FBN2: variants seen among roughly 807,000 people sequenced by gnomAD.
FBN2 encodes the protein fibrillin 2, also known as fibrillin-2.
A neutral mutation model predicts 355.6 loss-of-function variants in FBN2; 105 were observed. The ratio of observed to expected loss-of-function variants is 0.30; its 90% CI spans 0.25 to 0.35. FBN2 has a LOEUF of 0.35. FBN2 is among the 10% of genes least tolerant of loss of function. FBN2 has a pLI of 1.00. For missense variants in FBN2, 3,280 were observed against 3,758.7 expected, an observed-to-expected ratio of 0.87 and a Z score of 3.33; for synonymous variants, 1,350 against 1,301.2, an observed-to-expected ratio of 1.04 and a Z score of -0.81.
At chr5:128,422,576 G>C (rs1753377422) in intron 7 of FBN2, among the ~76,000 whole-genome samples, 1 of 152,130 alleles carries the variant, frequency 6.6e-6, no homozygotes, top group Admixed American at 6.6e-5. Context: ...AATGGCAAGA[G>C]TTAAAAGGAG....
intron 62 of FBN2, among the ~76,000 whole-genome samples, chr5:128,268,798 A>T (rs1245002486): frequency 2.0e-5 from 3 of 152,238 alleles, no homozygotes; most frequent in Non-Finnish European, 4.4e-5. Context: ...CAATAGATGC[A>T]GAAAAAGCCT....
At chr5:128,492,690 C>T (rs55839668) in intron 5 of FBN2, among the ~76,000 whole-genome samples, 15,879 of 151,056 alleles carry the variant, frequency 0.11, 986 homozygotes, top group African/African-American at 0.18. Flanking sequence ...GTAATCCCAG[C>T]TACTCGGGAG....
chr5:128,330,542 C>T (rs535311763), intron 33 of FBN2, 31 bp downstream of exon 33: 274 of 1,612,528 alleles, frequency 1.7e-4, no homozygotes, highest in Middle Eastern at 6.6e-4. Flanking sequence ...ATGACCATCC[C>T]GTCAGAGCAC....
intron 24 of FBN2, among the ~76,000 whole-genome samples, chr5:128,344,724 G>C (rs1751123609): frequency 6.8e-6 from 1 of 147,728 alleles, no homozygotes; most frequent in African/African-American, 2.5e-5. Context: ...TTTTGAGACA[G>C]AGTTTCACTG....
chr5:128,291,700 T>A, intron 48 of FBN2, 46 bp from the exon 49 acceptor site: 1 of 1,578,204 alleles, frequency 6.3e-7, no homozygotes. Context: ...CACTTGAAAA[T>A]AAACAATTGT....
intron 20 of FBN2, among the ~76,000 whole-genome samples, chr5:128,353,993 C>T (rs1751437389): frequency 6.6e-6 from 1 of 152,186 alleles, no homozygotes; most frequent in Admixed American, 6.5e-5. Context: ...ATCCTCCCTC[C>T]CTGTCTCCCC....
At chr5:128,487,184 G>A (rs1468013179) in intron 5 of FBN2, among the ~76,000 whole-genome samples, 3 of 152,164 alleles carry the variant, frequency 2.0e-5, no homozygotes, top group Non-Finnish European at 2.9e-5. Context: ...GTCACCATCC[G>A]GCTCTTTGCT....
chr5:128,258,219 A>G lies in FBN2; in HGVS notation c.*1236T>C, dbSNP rs1304740771. The G allele has an allele frequency of 6.6e-6, 1 of 152,612 alleles. No individual in the cohort carries two copies. The highest frequency in any genetic ancestry group is 1.9e-4 in the East Asian group (1 of 5,186). 9.5% of individuals were successfully genotyped at this position (152,612 alleles called of 1,614,324 possible). On this transcript the variant is annotated 3_prime_UTR_variant, in exon 65 of 65. Transcript: ENST00000262464. The stretch of plus-strand genomic sequence containing the variant: ...GTTCTTGGGTTGAGAAGAATAATGG[A>G]TACGTGCTCTTAATAGCACATCCTG...
At chr5:128,462,306 T>G (rs547428280) in intron 6 of FBN2, among the ~76,000 whole-genome samples, 1 of 152,322 alleles carries the variant, frequency 6.6e-6, no homozygotes, top group South Asian at 2.1e-4. Flanking sequence ...TGTATTATTT[T>G]TTCATGCCCC....
intron 5 of FBN2, among the ~76,000 whole-genome samples, chr5:128,478,529 C>T (rs1755065184): frequency 6.6e-6 from 1 of 152,172 alleles, no homozygotes; most frequent in South Asian, 2.1e-4. Flanking sequence ...CAAGTCAAAA[C>T]GAGTTGACAT....
intron 7 of FBN2, among the ~76,000 whole-genome samples, chr5:128,425,512 T>A (rs1192488242): frequency 7.2e-5 from 11 of 152,188 alleles, no homozygotes; most frequent in Non-Finnish European, 1.6e-4. Flanking sequence ...TATTTTCCCA[T>A]TAAGCATCAG....
intron 7 of FBN2, among the ~76,000 whole-genome samples, chr5:128,434,187 T>C (rs1753707696): frequency 6.6e-6 from 1 of 151,640 alleles, no homozygotes; most frequent in South Asian, 2.1e-4. Flanking sequence ...TGAGAAACAC[T>C]ATATTAAAAT....
chr5:128,313,554 C>A (rs1407458586), intron 36 of FBN2, among the ~76,000 whole-genome samples: 1 of 151,956 alleles, frequency 6.6e-6, no homozygotes, highest in Non-Finnish European at 1.5e-5. Flanking sequence ...GTTGCACAGG[C>A]CCTAAGCTTT....
rs149068555 is a variant in FBN2 at position 128,500,430 on chromosome 5, C to CTTT, written c.628+18840_628+18842dup. On this transcript the variant is annotated intron_variant, in intron 5 of 64. Coordinates refer to ENST00000262464, the MANE Select transcript of FBN2 (RefSeq NM_001999.4). ...TGAAAATGATGAGACTCTGACAATT[C>CTTT]TTTTTTTTTTTTTTTTTTTTTTTTT... Among the ~76,000 whole-genome samples the CTTT allele has an allele frequency of 1.6e-3, 82 of 51,178 alleles. 13 individuals are homozygous for CTTT. The highest frequency in any genetic ancestry group is 6.4e-3 in the African/African-American group (61 of 9,570). The allele number at this position is 51,178 out of a possible 152,430, so 33.6% of individuals were successfully genotyped here. A position where few individuals can be genotyped will look rare whatever the true frequency, so the allele number is the denominator to read the frequency against.
In FBN2 at chr5:128,364,585, T is replaced by C; in HGVS notation, c.2428+15A>G. ...TATATGAAATGTTCTTGCATAAATA[T>C]AACAAATAACTTACCAATACAGTTT... On this transcript the variant is annotated intron_variant, in intron 18 of 64. Transcript: ENST00000262464. 1 of 1,611,792 alleles carries C rather than the reference T, an allele frequency of 6.2e-7. No individual in the cohort carries two copies. Among genetic ancestry groups the C allele is most frequent in the Non-Finnish European group, 8.5e-7 (1 of 1,178,138 alleles).
chr5:128,333,903 T>C (rs919745469), intron 31 of FBN2, among the ~76,000 whole-genome samples: 8 of 149,480 alleles, frequency 5.4e-5, no homozygotes, highest in African/African-American at 2.0e-4. Context: ...ACCCTGTCAG[T>C]GGTGAACATG....
chr5:128,420,227 G>A (rs1753311659), intron 7 of FBN2, among the ~76,000 whole-genome samples: 1 of 152,056 alleles, frequency 6.6e-6, no homozygotes, highest in Non-Finnish European at 1.5e-5. Context: ...CTTTTTAACT[G>A]AATTCAGGTT....
chr5:128,307,429 C>G (rs924378668), intron 41 of FBN2, among the ~76,000 whole-genome samples: 1 of 151,998 alleles, frequency 6.6e-6, no homozygotes, highest in Non-Finnish European at 1.5e-5. Flanking sequence ...TAACTTTTTA[C>G]TGCTCTGATA....
In FBN2 at chr5:128,318,269, T is replaced by G; in HGVS notation, c.4597A>C (p.Ile1533Leu). 1.9e-6 allele frequency: 3 copies of G among 1,614,076 alleles called. No individual in the cohort carries two copies. The highest frequency in any genetic ancestry group is 2.5e-6 in the Non-Finnish European group (3 of 1,179,940). Residue 1533 changes from isoleucine (I) to leucine (L), a missense_variant and splice_region_variant, in exon 36 of 65, where the codon ATT (isoleucine) becomes CTT (leucine). Physicochemically the swap from Ile to Leu is conservative, Grantham distance 5. Around this residue, in one of 6 missense-constraint regions of FBN2, gnomAD observed 2,284 missense variants for 2,749.5 expected, o/e 0.83. Coordinates refer to ENST00000262464, the MANE Select transcript of FBN2 (RefSeq NM_001999.4). ...LDRTGGNCTD[I>L]DECADPINCV... The stretch of plus-strand genomic sequence containing the variant: ...TTTATAGGATCTGCACACTCATCAA[T>G]ATCTAGGAGAAGCATTTAAAATGCC...
Sources: allele counts gnomAD v4.1 joint callset (sites outside exome capture counted in the v4.1 genomes callset), GRCh38; gene constraint gnomAD v4.1.1; regional missense constraint gnomAD v4.1.1; transcripts MANE v1.5; gene names NCBI Gene and HGNC (gene_info 2026-07-23, HGNC 2026-07-21).